The following RALA variants were observed in gnomAD, a reference collection of about 807,000 sequenced individuals.
RALA encodes the protein RAS like proto-oncogene A, also known as ras-related protein Ral-A.
Under a neutral mutation model 24.0 loss-of-function variants are expected in RALA, and 5 were observed. The ratio of observed to expected loss-of-function variants is 0.21; its 90% CI spans 0.11 to 0.44. The LOEUF (loss-of-function observed/expected upper bound fraction) is 0.44. Ranked by LOEUF, RALA falls within the 20% of genes least tolerant of loss-of-function variation. RALA has a pLI of 0.99. For missense variants in RALA, 95 were observed against 241.2 expected (o/e 0.39, Z 4.01); for synonymous variants, 77 against 83.8 (o/e 0.92, Z 0.44).
intron 1 of RALA, among the ~76,000 whole-genome samples, chr7:39,644,895 AGTGAAATTTT>A (rs1791898959): frequency 6.6e-6 from 1 of 152,220 alleles, no homozygotes; most frequent in Non-Finnish European, 1.5e-5. Flanking sequence ...CTATGCCTTT[AGTGAAATTTT>A]AGGTACTTCA....
At chr7:39,648,078 A>G (rs1252206290) in intron 1 of RALA, among the ~76,000 whole-genome samples, 1 of 152,232 alleles carries the variant, frequency 6.6e-6, no homozygotes. Flanking sequence ...ATACTTCCCT[A>G]TTAACACACC....
chr7:39,703,706 T>C (rs1015625288), intron 4 of RALA, among the ~76,000 whole-genome samples: 4 of 152,238 alleles, frequency 2.6e-5, no homozygotes, highest in Non-Finnish European at 4.4e-5. Context: ...CATGTTGTTA[T>C]TTCCAATTCA....
At position 39,643,685 on chromosome 7, in the gene RALA, G is replaced by A. The variant is rs563643124; in HGVS notation, c.-38+19860G>A. 5.1e-4 allele frequency among the ~76,000 whole-genome samples: 77 copies of A among 151,842 alleles called. No individual in the cohort carries two copies. The Middle Eastern group carries it at 0.01, about 20-fold the overall frequency. ...AGCCCGGCCTACATATCAAAACCCCGTCTCTACTAAAAATTCAAAAATTAG... is the reference window on the plus strand; with the variant it reads ...AGCCCGGCCTACATATCAAAACCCCATCTCTACTAAAAATTCAAAAATTAG... On this transcript the variant is annotated intron_variant, in intron 1 of 4. Transcript: ENST00000005257.
At chr7:39,671,358 C>T (rs1187901369) in intron 1 of RALA, among the ~76,000 whole-genome samples, 1 of 152,122 alleles carries the variant, frequency 6.6e-6, no homozygotes, top group African/African-American at 2.4e-5. Context: ...ATCACTTTCT[C>T]ATGTGTTTTA....
At chr7:39,689,036 G>C (rs956542883) in intron 2 of RALA, among the ~76,000 whole-genome samples, 2 of 152,146 alleles carry the variant, frequency 1.3e-5, no homozygotes, top group Non-Finnish European at 2.9e-5. Flanking sequence ...ATCAGATCTC[G>C]TGAGAACTCA....
At chr7:39,677,505 CA>C (rs1399077031) in intron 1 of RALA, among the ~76,000 whole-genome samples, 1 of 94,180 alleles carries the variant, frequency 1.1e-5, no homozygotes, top group Non-Finnish European at 2.1e-5. Flanking sequence ...AATAATGCCG[CA>C]ATAAACATAC....
chr7:39,653,536 C>T (rs1792052471), intron 1 of RALA, among the ~76,000 whole-genome samples: 1 of 152,156 alleles, frequency 6.6e-6, no homozygotes, highest in African/African-American at 2.4e-5. Flanking sequence ...CTATGTTGCC[C>T]AGGCTGGTCT....
chr7:39,668,009 G>A (rs1177638171), intron 1 of RALA, among the ~76,000 whole-genome samples: 1 of 152,140 alleles, frequency 6.6e-6, no homozygotes, highest in African/African-American at 2.4e-5. Flanking sequence ...TCTAGCCAAT[G>A]GTGACATGAA....
chr7:39,684,725 A>AG (rs1792667972), intron 1 of RALA, among the ~76,000 whole-genome samples: 1 of 151,544 alleles, frequency 6.6e-6, no homozygotes, highest in Non-Finnish European at 1.5e-5. Flanking sequence ...AAAAAAAAAA[A>AG]AAAGAAAAAA....
chr7:39,682,735 T>G (rs1207835403), intron 1 of RALA, among the ~76,000 whole-genome samples: 1 of 152,184 alleles, frequency 6.6e-6, no homozygotes, highest in African/African-American at 2.4e-5. Flanking sequence ...CTCCGCCTCC[T>G]GAGTTCAAAC....
At chr7:39,628,576 G>A (rs1004024131) in intron 1 of RALA, among the ~76,000 whole-genome samples, 3 of 152,138 alleles carry the variant, frequency 2.0e-5, no homozygotes, top group Non-Finnish European at 4.4e-5. Flanking sequence ...TGTTTTTTGA[G>A]ACGGAGTCTC....
intron 4 of RALA, chr7:39,697,546 T>C (rs555431183): frequency 2.3e-6 from 1 of 435,980 alleles, no homozygotes; most frequent in African/African-American, 2.0e-5. Context: ...AAGTGGGGTC[T>C]TTCTTCAGCC....
intron 1 of RALA, among the ~76,000 whole-genome samples, chr7:39,678,069 G>A (rs1792520484): frequency 6.7e-6 from 1 of 148,672 alleles, no homozygotes; most frequent in Non-Finnish European, 1.5e-5. Flanking sequence ...GGGAGGGATA[G>A]CATTGGGAGA....
intron 1 of RALA, among the ~76,000 whole-genome samples, chr7:39,626,972 A>G (rs1791500132): frequency 7.5e-6 from 1 of 133,604 alleles, no homozygotes; most frequent in African/African-American, 3.0e-5. Context: ...TTTAGCTGCT[A>G]TTCAGTGCTG....
At chr7:39,624,712 C>G (rs1791450143) in intron 1 of RALA, among the ~76,000 whole-genome samples, 1 of 152,120 alleles carries the variant, frequency 6.6e-6, no homozygotes, top group East Asian at 1.9e-4. Context: ...AGTCCCGTGC[C>G]ACGCCCTACG....
At chr7:39,660,450 T>A (rs1208017891) in intron 1 of RALA, among the ~76,000 whole-genome samples, 2 of 152,214 alleles carry the variant, frequency 1.3e-5, no homozygotes, top group East Asian at 3.8e-4. Flanking sequence ...AGAATTCTTA[T>A]CAAGAAGGAA....
At chr7:39,631,111 G>A (rs917125968) in intron 1 of RALA, among the ~76,000 whole-genome samples, 9 of 151,430 alleles carry the variant, frequency 5.9e-5, no homozygotes, top group East Asian at 1.9e-4. Context: ...AGGTTCAAGC[G>A]ATTCTCCTGC....
chr7:39,667,937 A>G (rs1792312813), intron 1 of RALA, among the ~76,000 whole-genome samples: 2 of 152,166 alleles, frequency 1.3e-5, no homozygotes, highest in Non-Finnish European at 2.9e-5. Flanking sequence ...TGTGAGAAGC[A>G]GATCTACCCA....
chr7:39,674,066 T>TAAAC (rs1363616231), intron 1 of RALA, among the ~76,000 whole-genome samples: 1 of 150,956 alleles, frequency 6.6e-6, no homozygotes, highest in Non-Finnish European at 1.5e-5. Context: ...AATAAATAAA[T>TAAAC]AAATAAATAA....
Sources: allele counts gnomAD v4.1 joint callset (sites outside exome capture counted in the v4.1 genomes callset), GRCh38; gene constraint gnomAD v4.1.1; transcripts MANE v1.5; gene names NCBI Gene and HGNC (gene_info 2026-07-23, HGNC 2026-07-21).